EHBP1: variants seen among roughly 807,000 people sequenced by gnomAD.
EHBP1 encodes EH domain binding protein 1, also known as EH domain-binding protein 1.
In EHBP1, 55 loss-of-function variants were observed where a neutral mutation model predicts 144.0. The ratio of observed to expected loss-of-function variants is 0.38; its 90% CI spans 0.31 to 0.48. The LOEUF is 0.48. Ranked by LOEUF, EHBP1 falls within the 20% of genes least tolerant of loss-of-function variation. The probability of loss-of-function intolerance (pLI) is 0.98; values close to 1 mark genes in which losing one functional copy is unlikely to be tolerated. For synonymous variants in EHBP1, 469 were observed against 472.7 expected, an observed-to-expected ratio of 0.99 and a Z score of 0.10; for missense variants, 1,200 against 1,364.2, an observed-to-expected ratio of 0.88 and a Z score of 1.90.
chr2:62,772,214 GAGA>G (rs752420281), intron 5 of EHBP1: 2 of 151,110 alleles, frequency 1.3e-5, no homozygotes, highest in Admixed American at 1.3e-4. Context: ...GGAAGAAAGA[GAGA>G]AGGAGAGAAA....
At chr2:62,884,438 C>T (rs764398350) in intron 10 of EHBP1, among the ~76,000 whole-genome samples, 4 of 152,040 alleles carry the variant, frequency 2.6e-5, no homozygotes, top group Admixed American at 6.6e-5. Flanking sequence ...TTGTGTGGGC[C>T]CCGTGGGGTT....
At chr2:62,753,122 T>C (rs1464333372) in intron 3 of EHBP1, among the ~76,000 whole-genome samples, 1 of 152,240 alleles carries the variant, frequency 6.6e-6, no homozygotes, top group Non-Finnish European at 1.5e-5. Flanking sequence ...TTTGGCATGT[T>C]TTTACAGTGG....
At chr2:62,730,054 C>A (rs1026210267) in intron 2 of EHBP1, among the ~76,000 whole-genome samples, 3 of 152,068 alleles carry the variant, frequency 2.0e-5, no homozygotes, top group African/African-American at 7.2e-5. Flanking sequence ...TATTTATTGA[C>A]TACTGTTCTA....
In EHBP1 at chr2:62,720,166, A is replaced by G. The variant is rs545153974; in HGVS notation, c.104+12871A>G. ...TTGTTTGGACCTGACTACTTAATAA[A>G]CAAAATGGTTAGGTATTTCTTTTGG... On this transcript the variant is annotated intron_variant, in intron 2 of 22. Coordinates refer to ENST00000431489, the MANE Select transcript of EHBP1 (RefSeq NM_001142616.3). 7.8e-4 allele frequency among the ~76,000 whole-genome samples: 119 copies of G among 152,238 alleles called. 1 individual carries two copies. The highest frequency in any genetic ancestry group is 2.7e-3 in the African/African-American group (113 of 41,542).
chr2:62,948,252 C>T lies in EHBP1; in HGVS notation c.1414-8C>T. The stretch of plus-strand genomic sequence containing the variant: ...TCAATATATCTTTTGTTTTTCCTTC[C>T]TTTGAAGGCATACGATGGATTTGCC... On this transcript the variant is annotated splice_region_variant and splice_polypyrimidine_tract_variant and intron_variant, in intron 12 of 22. Transcript: ENST00000431489. 6.5e-7 allele frequency: 1 copy of T among 1,533,700 alleles called. No homozygotes were observed. Among genetic ancestry groups the T allele is most frequent in the Admixed American group, 2.1e-5 (1 of 47,768 alleles).
At chr2:63,003,659 T>C (rs1485190464) in intron 19 of EHBP1, among the ~76,000 whole-genome samples, 2 of 152,072 alleles carry the variant, frequency 1.3e-5, no homozygotes, top group Non-Finnish European at 2.9e-5. Context: ...AGTTTGAGAA[T>C]TCACTTTCTA....
intron 19 of EHBP1, among the ~76,000 whole-genome samples, chr2:63,025,702 G>A (rs187090290): frequency 6.6e-5 from 10 of 152,212 alleles, no homozygotes; most frequent in Admixed American, 6.5e-4. Context: ...TTCACTCTAT[G>A]GGGTATTTTA....
chr2:62,974,476 G>A (rs960772884), intron 14 of EHBP1, among the ~76,000 whole-genome samples: 8 of 152,188 alleles, frequency 5.3e-5, no homozygotes, highest in East Asian at 1.9e-4. Flanking sequence ...ACAACTTTGC[G>A]TATACCCTTC....
intron 9 of EHBP1, among the ~76,000 whole-genome samples, chr2:62,865,813 A>T (rs1013511306): frequency 1.3e-5 from 2 of 152,154 alleles, no homozygotes; most frequent in African/African-American, 2.4e-5. Flanking sequence ...AGAGAAAAAA[A>T]CTCAGATCCC....
intron 3 of EHBP1, among the ~76,000 whole-genome samples, chr2:62,758,940 G>A (rs898206835): frequency 9.2e-5 from 14 of 152,138 alleles, no homozygotes; most frequent in Non-Finnish European, 1.9e-4. Context: ...AAACTATATG[G>A]CATTTGTAAA....
At chr2:62,764,461 C>G in intron 4 of EHBP1, 100 bp downstream of exon 4, 2 of 774,438 alleles carry the variant, frequency 2.6e-6, no homozygotes, top group Non-Finnish European at 3.9e-6. Flanking sequence ...TGTGTCCAGT[C>G]TGGTACCTAC....
chr2:62,948,611 T>G lies in EHBP1; in HGVS notation c.1765T>G (p.Ser589Ala). ...VFVNDSGVGE[S>A]ESEHQTPDDH... ...TGTAAATGATAGCGGGGTTGGAGAG[T>G]CAGAAAGTGAGCATCAAACTCCTGA... The change falls in exon 13 of 23, where the codon TCA becomes GCA. Residue 589 changes from serine (S) to alanine (A), a missense_variant. Ser to Ala is a moderately conservative substitution (Grantham distance 99). Coordinates refer to ENST00000431489, the MANE Select transcript of EHBP1 (RefSeq NM_001142616.3). The G allele has an allele frequency of 6.2e-7, 1 of 1,613,760 alleles. No individual in the cohort carries two copies. The highest frequency in any genetic ancestry group is 8.5e-7 in the Non-Finnish European group (1 of 1,179,942).
intron 7 of EHBP1, among the ~76,000 whole-genome samples, chr2:62,834,767 G>T (rs1487014389): frequency 1.3e-5 from 2 of 152,102 alleles, no homozygotes; most frequent in Non-Finnish European, 2.9e-5. Context: ...TGTTTTTTCA[G>T]CCAAACACAT....
intron 14 of EHBP1, among the ~76,000 whole-genome samples, chr2:62,966,501 C>G (rs772134764): frequency 1.7e-4 from 26 of 152,154 alleles, no homozygotes; most frequent in Non-Finnish European, 3.5e-4. Context: ...TAATTGGTCT[C>G]TGGCATGACA....
chr2:62,796,372 T>A (rs1272788751), intron 5 of EHBP1, among the ~76,000 whole-genome samples: 2 of 152,156 alleles, frequency 1.3e-5, no homozygotes, highest in Non-Finnish European at 2.9e-5. Context: ...AATTTCTGCC[T>A]TCAAAATAGG....
At chr2:62,696,191 G>T (rs1211492556) in intron 1 of EHBP1, among the ~76,000 whole-genome samples, 1 of 112,880 alleles carries the variant, frequency 8.9e-6, no homozygotes, top group African/African-American at 3.2e-5. Context: ...TGCTTTTTGA[G>T]ACAGAGTCTC....
intron 10 of EHBP1, among the ~76,000 whole-genome samples, chr2:62,929,456 A>G (rs1249029374): frequency 6.6e-6 from 1 of 152,200 alleles, no homozygotes; most frequent in African/African-American, 2.4e-5. Flanking sequence ...ACATTAGCAG[A>G]ATGAAGGAGA....
chr2:62,907,790 GT>G (rs1185099052), intron 10 of EHBP1, among the ~76,000 whole-genome samples: 1 of 152,160 alleles, frequency 6.6e-6, no homozygotes, highest in African/African-American at 2.4e-5. Context: ...ATATCTGTCT[GT>G]CCTCTTTGGT....
At chr2:62,682,429 T>C (rs888370959) in intron 1 of EHBP1, among the ~76,000 whole-genome samples, 2 of 152,198 alleles carry the variant, frequency 1.3e-5, no homozygotes, top group African/African-American at 4.8e-5. Flanking sequence ...AATAGTCATA[T>C]TTTCCAATTT....
Sources: gnomAD v4.1 joint callset for allele counts (sites outside exome capture counted in the v4.1 genomes callset) on GRCh38, gnomAD v4.1.1 for gene constraint, MANE v1.5 for transcripts, NCBI Gene and HGNC (gene_info 2026-07-23, HGNC 2026-07-21) for gene names.